The following FOXN2 variants were observed in gnomAD, a reference collection of about 807,000 sequenced individuals.
FOXN2 encodes forkhead box N2, also known as forkhead box protein N2.
Under a neutral mutation model 41.2 loss-of-function variants are expected in FOXN2, and 19 were observed. The observed-to-expected ratio is 0.46, with a 90% CI of 0.32 to 0.68. FOXN2 has a LOEUF of 0.68. Ranked by LOEUF, FOXN2 falls within the 30% of genes least tolerant of loss-of-function variation. The pLI, the probability that FOXN2 is intolerant of heterozygous loss-of-function variation, is 0.03. For missense variants in FOXN2, 587 were observed against 509.4 expected (o/e 1.15, Z -1.47); for synonymous variants, 195 against 176.8 (o/e 1.10, Z -0.82).
chr2:48,359,926 G>T (rs1672064436), intron 4 of FOXN2, among the ~76,000 whole-genome samples: 2 of 151,978 alleles, frequency 1.3e-5, no homozygotes, highest in South Asian at 4.1e-4. Flanking sequence ...ATATACATAT[G>T]TAGGTTTCTT....
At chr2:48,343,255 G>GT (rs1386841945) in intron 2 of FOXN2, among the ~76,000 whole-genome samples, 6 of 151,936 alleles carry the variant, frequency 3.9e-5, no homozygotes, top group South Asian at 2.1e-4. Context: ...ATGAATTTCA[G>GT]TTTTTTTTAT....
intron 1 of FOXN2, among the ~76,000 whole-genome samples, 167 bp downstream of exon 1, chr2:48,314,981 GCCGGCGCGGGGGTGTCC>G (rs1295840495): frequency 6.6e-6 from 1 of 152,058 alleles, no homozygotes; most frequent in Non-Finnish European, 1.5e-5. Flanking sequence ...AGGAATTTGC[GCCGGCGCGGGGGTGTCC>G]CCGGCGCGCG....
intron 3 of FOXN2, among the ~76,000 whole-genome samples, chr2:48,354,504 G>T (rs974060101): frequency 1.3e-5 from 2 of 152,212 alleles, no homozygotes; most frequent in Non-Finnish European, 2.9e-5. Context: ...GGAGGCTGAG[G>T]CAGGAGAATC....
chr2:48,343,523 C>G (rs887018435), intron 2 of FOXN2, among the ~76,000 whole-genome samples: 1 of 152,122 alleles, frequency 6.6e-6, no homozygotes, highest in Non-Finnish European at 1.5e-5. Context: ...CTTTGGGAAG[C>G]TGAGGCAGGA....
chr2:48,337,055 CTTTT>C (rs200701986), intron 2 of FOXN2, among the ~76,000 whole-genome samples: 1 of 143,644 alleles, frequency 7.0e-6, no homozygotes, highest in South Asian at 2.2e-4. Flanking sequence ...GTCTTATTCA[CTTTT>C]TTTTTTTTTT....
intron 2 of FOXN2, among the ~76,000 whole-genome samples, chr2:48,330,954 A>C (rs1380134942): frequency 1.3e-5 from 2 of 152,196 alleles, no homozygotes; most frequent in East Asian, 3.9e-4. Context: ...AACCGGCTAC[A>C]GTCTTCCTCA....
At chr2:48,372,192 A>G (rs1172553760) in intron 5 of FOXN2, among the ~76,000 whole-genome samples, 1 of 152,176 alleles carries the variant, frequency 6.6e-6, no homozygotes, top group East Asian at 1.9e-4. Context: ...ACTTGGGGAA[A>G]AAGAGGTAAA....
Position 48,371,284 on chromosome 2 carries a change from G to T in FOXN2, c.704-2008G>T, listed in dbSNP as rs541304595. Among the ~76,000 whole-genome samples the T allele has an allele frequency of 2.6e-5, 4 of 152,222 alleles. No individual in the cohort carries two copies. The East Asian group carries it at 7.7e-4, about 29-fold the overall frequency. ...GTGGTGGCACGCCTCTGTAATCCTA[G>T]CTGTTCAGGAGACTGAGCACAAGAA... is the stretch of plus-strand genomic sequence containing the variant. On this transcript the variant is annotated intron_variant, in intron 5 of 6. Transcript: ENST00000340553.
intron 6 of FOXN2, among the ~76,000 whole-genome samples, chr2:48,373,666 A>G (rs1270307967): frequency 6.6e-6 from 1 of 152,224 alleles, no homozygotes; most frequent in African/African-American, 2.4e-5. Flanking sequence ...AGTAAAGTAT[A>G]TTTATGAACT....
chr2:48,345,858 G>A (rs986560591), intron 2 of FOXN2, among the ~76,000 whole-genome samples: 1 of 152,052 alleles, frequency 6.6e-6, no homozygotes, highest in South Asian at 2.1e-4. Flanking sequence ...CAAAGAAATA[G>A]CCTGTCCACT....
chr2:48,375,259 C>A lies in FOXN2; in HGVS notation c.1112C>A (p.Pro371His), dbSNP rs774446939. The change falls in exon 7 of 7, where the codon CCT becomes CAT. Residue 371 changes from proline to histidine, a missense_variant. Pro to His is a moderately conservative substitution (Grantham distance 77, BLOSUM62 -2). Transcript: ENST00000340553. ...PLGDSGYASQ[P>H]CAKISEKGQS... Reference sequence around the variant, plus strand: ...GGAGACAGTGGCTATGCATCACAGCCTTGTGCAAAAATCTCTGAAAAAGGG... The same window carrying A: ...GGAGACAGTGGCTATGCATCACAGCATTGTGCAAAAATCTCTGAAAAAGGG... 12 of 1,614,020 alleles carry A rather than the reference C, an allele frequency of 7.4e-6. No individual in the cohort carries two copies. The East Asian group carries it at 2.5e-4, about 33-fold the overall frequency.
chr2:48,346,546 C>G lies in FOXN2; in HGVS notation c.332C>G (p.Ser111Ter). Residue 111 changes from serine to a stop codon, truncating the protein, a stop_gained, in exon 3 of 7, where the codon TCA becomes TGA. Coordinates refer to ENST00000340553, the MANE Select transcript of FOXN2 (RefSeq NM_002158.4). LOFTEE classifies it high-confidence loss of function. ...AACCCAGAAAAAAAATCAGCGACTT[C>G]AAAGCCCCCATACTCCTTTAGTCTT... ...YQNPEKKSAT[S>*]KPPYSFSLLI... The G allele has an allele frequency of 6.2e-7, 1 of 1,613,530 alleles. No individual in the cohort carries two copies.
intron 2 of FOXN2, among the ~76,000 whole-genome samples, chr2:48,339,178 G>A (rs1437228123): frequency 1.3e-5 from 2 of 152,098 alleles, no homozygotes; most frequent in Non-Finnish European, 2.9e-5. Context: ...CCTGTTACTA[G>A]CCTGGGAAAT....
chr2:48,378,179 A>G lies in FOXN2; in HGVS notation c.*2736A>G, dbSNP rs1290727424. ...CAGAATCACTGTTTCTTGAATATATATTTTTGAAGTTTTTTTGTGCAATAT... is the reference window on the plus strand; with the variant it reads ...CAGAATCACTGTTTCTTGAATATATGTTTTTGAAGTTTTTTTGTGCAATAT... On this transcript the variant is annotated 3_prime_UTR_variant, in exon 7 of 7. Coordinates refer to ENST00000340553, the MANE Select transcript of FOXN2 (RefSeq NM_002158.4). The G allele has an allele frequency of 6.6e-6, 1 of 152,292 alleles. No homozygotes were observed. The highest frequency in any genetic ancestry group is 1.5e-5 in the Non-Finnish European group (1 of 67,866). The allele number at this position is 152,292 out of a possible 1,614,324, so 9.4% of individuals were successfully genotyped here.
intron 2 of FOXN2, among the ~76,000 whole-genome samples, chr2:48,345,533 A>G (rs1192165811): frequency 6.6e-6 from 1 of 152,186 alleles, no homozygotes. Flanking sequence ...GAGGTGATGG[A>G]TATATTAATT....
At chr2:48,325,192 G>A (rs944405639) in intron 1 of FOXN2, among the ~76,000 whole-genome samples, 9 of 152,110 alleles carry the variant, frequency 5.9e-5, no homozygotes, top group Non-Finnish European at 1.0e-4. Flanking sequence ...TGTGAATTCT[G>A]GAGCCAGTAC....
At chr2:48,347,901 A>G (rs779444678) in intron 3 of FOXN2, among the ~76,000 whole-genome samples, 2 of 152,016 alleles carry the variant, frequency 1.3e-5, no homozygotes, top group Non-Finnish European at 2.9e-5. Context: ...TCTGGCTCCC[A>G]TAGTTTCTGG....
chr2:48,316,601 GA>G (rs976972796), intron 1 of FOXN2, among the ~76,000 whole-genome samples: 5 of 152,054 alleles, frequency 3.3e-5, no homozygotes, highest in Non-Finnish European at 7.4e-5. Flanking sequence ...AAGTTAATAT[GA>G]ACGTTAACAT....
At chr2:48,315,676 C>CA (rs994016896) in intron 1 of FOXN2, among the ~76,000 whole-genome samples, 3 of 152,158 alleles carry the variant, frequency 2.0e-5, no homozygotes, top group African/African-American at 4.8e-5. Flanking sequence ...TAGCGGAAAG[C>CA]AGCCCATGTG....
Sources: gnomAD v4.1 joint callset for allele counts (sites outside exome capture counted in the v4.1 genomes callset) on GRCh38, gnomAD v4.1.1 for gene constraint, MANE v1.5 for transcripts, NCBI Gene and HGNC (gene_info 2026-07-23, HGNC 2026-07-21) for gene names.